Variants in CYRIB observed in about 807,000 individuals in gnomAD.
CYRIB encodes CYFIP-related Rac1 interactor B.
A neutral mutation model predicts 44.2 loss-of-function variants in CYRIB; 8 were observed. That is an observed-to-expected ratio of 0.18 (90% CI 0.11 to 0.33). The LOEUF is 0.33. Ranked by LOEUF, CYRIB falls within the 10% of genes least tolerant of loss-of-function variation. CYRIB has a pLI of 1.00. For missense variants in CYRIB, 185 were observed against 382.8 expected (o/e 0.48, Z 4.31); for synonymous variants, 131 against 127.2 (o/e 1.03, Z -0.20).
chr8:129,857,178 C>G (rs1435425396), intron 5 of CYRIB, among the ~76,000 whole-genome samples: 1 of 152,118 alleles, frequency 6.6e-6, no homozygotes, highest in Non-Finnish European at 1.5e-5. Context: ...TGGATGTAGA[C>G]AGACATGCTC....
chr8:129,955,904 A>G (rs1387791550), intron 2 of CYRIB, among the ~76,000 whole-genome samples: 1 of 152,220 alleles, frequency 6.6e-6, no homozygotes, highest in Non-Finnish European at 1.5e-5. Context: ...TGGTTATTAA[A>G]AGGATGGTTG....
At chr8:129,929,888 T>TTA (rs1380823829) in intron 1 of CYRIB, among the ~76,000 whole-genome samples, 1 of 152,116 alleles carries the variant, frequency 6.6e-6, no homozygotes, top group African/African-American at 2.4e-5. Context: ...TTAGGACAGT[T>TTA]TCTATAATAC....
At position 129,855,344 on chromosome 8, in the gene CYRIB, T is replaced by A. The variant is rs2045648577; in HGVS notation, c.438+267A>T. Among the ~76,000 whole-genome samples, 5 of 147,802 alleles carry A rather than the reference T, an allele frequency of 3.4e-5. No homozygotes were observed. The South Asian group carries it at 1.1e-3, about 31-fold the overall frequency. On this transcript the variant is annotated intron_variant, in intron 6 of 11. Transcript: ENST00000519824. ...AGGGAGAGGTTGCAGTGAGCTGAGATCACGCCACTGCACTCTACCCTGAGT... is the reference window on the plus strand; with the variant it reads ...AGGGAGAGGTTGCAGTGAGCTGAGAACACGCCACTGCACTCTACCCTGAGT...
In CYRIB at chr8:129,875,162, T is replaced by TA. The variant is rs1163273448; in HGVS notation, c.74-3667dup. On this transcript the variant is annotated intron_variant, in intron 3 of 11. Transcript: ENST00000519824. ...TTAGTGAGCTAGCAGTTATGGAAGTTACTGAGGCTAAAGATTTGTCATTAG... is the reference window on the plus strand; with the variant it reads ...TTAGTGAGCTAGCAGTTATGGAAGTTAACTGAGGCTAAAGATTTGTCATTAG... Among the ~76,000 whole-genome samples the TA allele has an allele frequency of 2.0e-5, 3 of 152,312 alleles. No homozygotes were observed. In the East Asian group the frequency reaches 5.8e-4, roughly 29 times the overall value.
intron 1 of CYRIB, among the ~76,000 whole-genome samples, chr8:129,991,787 C>T (rs890098406): frequency 1.3e-5 from 2 of 150,442 alleles, no homozygotes; most frequent in Non-Finnish European, 3.0e-5. Flanking sequence ...TTGTCTCTAC[C>T]AAAAAATACA....
At chr8:130,009,818 G>C (rs1015717282) in intron 1 of CYRIB, among the ~76,000 whole-genome samples, 1 of 152,200 alleles carries the variant, frequency 6.6e-6, no homozygotes, top group Admixed American at 6.5e-5. Flanking sequence ...TTCTGGTTCT[G>C]CAGTGGGATG....
intron 11 of CYRIB, chr8:129,844,197 GT>G (rs1218324149): frequency 1.3e-5 from 2 of 152,198 alleles, no homozygotes; most frequent in Admixed American, 1.3e-4. Flanking sequence ...GTAGTTAAAA[GT>G]ATCACTACTC....
chr8:130,016,045 G>A (rs931168589), intron 1 of CYRIB, among the ~76,000 whole-genome samples: 1 of 151,580 alleles, frequency 6.6e-6, no homozygotes, highest in Non-Finnish European at 1.5e-5. Flanking sequence ...GCCTCGAGGC[G>A]CACAAGGCGC....
chr8:129,861,394 C>T (rs115950411), intron 5 of CYRIB, among the ~76,000 whole-genome samples: 308 of 152,216 alleles, frequency 2.0e-3, no homozygotes, highest in African/African-American at 6.7e-3. Context: ...ACTCTTTTTG[C>T]TTTAATAACT....
chr8:129,983,490 C>G (rs2096329835), intron 1 of CYRIB, among the ~76,000 whole-genome samples: 1 of 152,006 alleles, frequency 6.6e-6, no homozygotes, highest in South Asian at 2.1e-4. Context: ...AAAAATAAAC[C>G]TGTTAAATCT....
At chr8:129,885,653 C>T (rs961583420) in intron 2 of CYRIB, among the ~76,000 whole-genome samples, 3 of 152,062 alleles carry the variant, frequency 2.0e-5, no homozygotes, top group South Asian at 2.1e-4. Flanking sequence ...CAACCAATAA[C>T]GCCTCCAGAC....
intron 2 of CYRIB, among the ~76,000 whole-genome samples, chr8:129,952,683 G>A (rs1397977833): frequency 6.6e-6 from 1 of 152,260 alleles, no homozygotes; most frequent in Admixed American, 6.5e-5. Flanking sequence ...CCAAGGGAGA[G>A]AACCTGATGG....
At chr8:129,863,641 GA>G (rs2051357908) in intron 4 of CYRIB, among the ~76,000 whole-genome samples, 1 of 152,064 alleles carries the variant, frequency 6.6e-6, no homozygotes, top group Non-Finnish European at 1.5e-5. Flanking sequence ...TGAGTAAGAT[GA>G]AAAACTAGTT....
intron 4 of CYRIB, 32 bp from the exon 7 acceptor site, chr8:129,862,366 G>GT (rs745958791): frequency 4.4e-6 from 6 of 1,360,436 alleles, no homozygotes; most frequent in Non-Finnish European, 5.1e-6. Context: ...AATAGTTAGA[G>GT]TTAAAAAAAA....
At chr8:129,934,624 T>C (rs2092440428) in intron 1 of CYRIB, among the ~76,000 whole-genome samples, 1 of 152,154 alleles carries the variant, frequency 6.6e-6, no homozygotes, top group Admixed American at 6.5e-5. Context: ...TGCCTAGGCC[T>C]TTCCTAGGCC....
intron 1 of CYRIB, among the ~76,000 whole-genome samples, chr8:129,913,224 G>A (rs2078981778): frequency 6.6e-6 from 1 of 152,178 alleles, no homozygotes; most frequent in South Asian, 2.1e-4. Context: ...ACCTGCCTCA[G>A]CCTCCCAAAG....
At chr8:129,934,010 T>A (rs144858854) in intron 1 of CYRIB, among the ~76,000 whole-genome samples, 1 of 152,124 alleles carries the variant, frequency 6.6e-6, no homozygotes, top group Non-Finnish European at 1.5e-5. Context: ...TGTATAAAAG[T>A]GTACTAGTAC....
intron 4 of CYRIB, among the ~76,000 whole-genome samples, chr8:129,867,323 C>T (rs1477749687): frequency 2.7e-5 from 4 of 145,568 alleles, no homozygotes; most frequent in African/African-American, 1.0e-4. Flanking sequence ...TGCGGTTTTA[C>T]TATGTTAATC....
chr8:129,985,675 G>C lies in CYRIB; in HGVS notation c.-295-14680C>G, dbSNP rs549991064. Among the ~76,000 whole-genome samples the C allele has an allele frequency of 6.2e-4, 94 of 152,264 alleles. 1 individual carries two copies. Among genetic ancestry groups the C allele is most frequent in the Non-Finnish European group, 4.3e-4 (29 of 68,040 alleles). Reference sequence around the variant, plus strand: ...AAAAAAATGCTTCAGAGCAAATAGAGTGAGTGTGGCACAGGTTGTCTGGCA... The same window carrying C: ...AAAAAAATGCTTCAGAGCAAATAGACTGAGTGTGGCACAGGTTGTCTGGCA... On this transcript the variant is annotated intron_variant, in intron 1 of 14. Transcript: ENST00000401979.
Sources: gnomAD v4.1 joint callset for allele counts (sites outside exome capture counted in the v4.1 genomes callset) on GRCh38, gnomAD v4.1.1 for gene constraint, MANE v1.5 for transcripts, NCBI Gene and HGNC (gene_info 2026-07-23, HGNC 2026-07-21) for gene names.